The following HOOK3 variants were observed in gnomAD, a reference collection of about 807,000 sequenced individuals.
The protein encoded by HOOK3 is protein Hook homolog 3.
In HOOK3, 24 loss-of-function variants were observed where a neutral mutation model predicts 116.3. That is an observed-to-expected ratio of 0.21 (90% CI 0.15 to 0.29). HOOK3 has a LOEUF of 0.29. HOOK3 is among the 10% of genes least tolerant of loss of function. The pLI is 1.00. For missense variants in HOOK3, 632 were observed against 830.2 expected (o/e 0.76, Z 2.93); for synonymous variants, 275 against 283.0 (o/e 0.97, Z 0.28).
Position 43,023,680 on chromosome 8 carries a change from C to CTT in HOOK3, c.*5183_*5184insTT. 5.6e-6 allele frequency: 1 copy of CTT among 179,324 alleles called. No homozygotes were observed. The highest frequency in any genetic ancestry group is 2.4e-5 in the African/African-American group (1 of 42,456). 11.1% of individuals were successfully genotyped at this position (179,324 alleles called of 1,614,324 possible). On this transcript the variant is annotated 3_prime_UTR_variant, in exon 22 of 22. Transcript: ENST00000307602. ...TTCACCATGTTGGCCAGGCTGGTCT[C>CTT]TAACTCCTGACCTCAGGTGATCCGT...
chr8:43,025,224 G>A lies in HOOK3; in HGVS notation c.*6726G>A, dbSNP rs1339677164. 1 of 205,784 alleles carries A rather than the reference G, an allele frequency of 4.9e-6. No individual in the cohort carries two copies. The highest frequency in any genetic ancestry group is 7.4e-5 in the East Asian group (1 of 13,440). The allele number at this position is 205,784 out of a possible 1,614,324, so 12.7% of individuals were successfully genotyped here. On this transcript the variant is annotated 3_prime_UTR_variant, in exon 22 of 22. Transcript: ENST00000307602. Reference sequence around the variant, plus strand: ...TATAGATATAGATCAGGAATTACTTGATGTCTCTTCAGAAGTTTTCTGTTT... The same window carrying A: ...TATAGATATAGATCAGGAATTACTTAATGTCTCTTCAGAAGTTTTCTGTTT...
chr8:42,905,295 C>CTT (rs757313100), intron 1 of HOOK3, among the ~76,000 whole-genome samples: 1,355 of 60,796 alleles, frequency 0.022, 31 homozygotes, highest in African/African-American at 0.061. Flanking sequence ...GGACATAGTT[C>CTT]TTTTTTTTTT....
At chr8:42,930,655 T>A (rs1586596226) in intron 4 of HOOK3, among the ~76,000 whole-genome samples, 1 of 152,188 alleles carries the variant, frequency 6.6e-6, no homozygotes, top group African/African-American at 2.4e-5. Context: ...CACAACACCA[T>A]ACCCTAGTTA....
At chr8:42,998,226 T>A (rs1252534505) in intron 16 of HOOK3, 1 of 152,802 alleles carries the variant, frequency 6.5e-6, no homozygotes. Flanking sequence ...TCTATCACAG[T>A]ACTCAGGTAG....
chr8:42,974,664 T>G (rs552999509), intron 13 of HOOK3, among the ~76,000 whole-genome samples: 3 of 152,348 alleles, frequency 2.0e-5, no homozygotes, highest in Admixed American at 2.0e-4. Context: ...GCTCCAGCGA[T>G]TGCCTTTTCT....
intron 2 of HOOK3, among the ~76,000 whole-genome samples, chr8:42,908,240 T>G (rs1242761733): frequency 6.6e-6 from 1 of 152,178 alleles, no homozygotes; most frequent in Non-Finnish European, 1.5e-5. Flanking sequence ...CCCATACTAC[T>G]GAAAGTGATT....
Position 42,949,109 on chromosome 8 carries a change from A to T in HOOK3, c.401-1279A>T, listed in dbSNP as rs565262444. On this transcript the variant is annotated intron_variant, in intron 5 of 21. Transcript: ENST00000307602. ...AATCTCTTGTCAAAAGAGTACTTTG[A>T]CAGTTTCATGGTAAGACCCCTTCAT... 7.2e-5 allele frequency among the ~76,000 whole-genome samples: 11 copies of T among 152,310 alleles called. No individual in the cohort carries two copies. In the South Asian group the frequency reaches 1.7e-3, roughly 23 times the overall value.
chr8:43,001,026 A>T (rs1162908641), intron 16 of HOOK3: 1 of 152,102 alleles, frequency 6.6e-6, no homozygotes, highest in East Asian at 1.9e-4. Flanking sequence ...GCACTTTGGG[A>T]GGCCGAGGTG....
At chr8:42,997,447 G>T in intron 15 of HOOK3, 103 bp from the exon 16 acceptor site, 1 of 670,512 alleles carries the variant, frequency 1.5e-6, no homozygotes, top group Non-Finnish European at 2.6e-6. Flanking sequence ...TATAACATGA[G>T]ACTTGATTTT....
chr8:42,919,811 G>A (rs937369431), intron 2 of HOOK3, among the ~76,000 whole-genome samples: 14 of 152,290 alleles, frequency 9.2e-5, no homozygotes, highest in Admixed American at 9.2e-4. Context: ...GCGTGGCGGT[G>A]CGCGCCTGCA....
At chr8:42,948,731 C>G (rs1289438442) in intron 5 of HOOK3, among the ~76,000 whole-genome samples, 1 of 152,286 alleles carries the variant, frequency 6.6e-6, no homozygotes, top group East Asian at 1.9e-4. Flanking sequence ...TCTAAAAGCT[C>G]CCTTTCTGTA....
At chr8:42,935,938 G>T (rs1014806879) in intron 4 of HOOK3, among the ~76,000 whole-genome samples, 2 of 152,218 alleles carry the variant, frequency 1.3e-5, no homozygotes, top group African/African-American at 4.8e-5. Context: ...AAAGTCAGTG[G>T]TAGCTGTATG....
chr8:43,026,529 A>G lies in HOOK3; in HGVS notation c.*8031A>G, dbSNP rs949437335. Reference sequence around the variant, plus strand: ...TAAGAAGACTCTTTTATAATGTAATACTTAGAAGCCAAATCCTTTCAAACG... The same window carrying G: ...TAAGAAGACTCTTTTATAATGTAATGCTTAGAAGCCAAATCCTTTCAAACG... On this transcript the variant is annotated 3_prime_UTR_variant, in exon 22 of 22. Coordinates refer to ENST00000307602, the MANE Select transcript of HOOK3 (RefSeq NM_032410.4). 9.4e-5 allele frequency: 20 copies of G among 212,084 alleles called. No homozygotes were observed. The highest frequency in any genetic ancestry group is 1.6e-4 in the Non-Finnish European group (17 of 104,844). 13.1% of individuals were successfully genotyped at this position (212,084 alleles called of 1,614,324 possible).
rs1466187833 is a variant in HOOK3, at chr8:42,950,377, C to G, written c.401-11C>G. 5.1e-6 allele frequency: 8 copies of G among 1,580,896 alleles called. No homozygotes were observed. Among genetic ancestry groups the G allele is most frequent in the African/African-American group, 1.3e-5 (1 of 74,134 alleles). On this transcript the variant is annotated splice_polypyrimidine_tract_variant and intron_variant, in intron 5 of 21. Coordinates refer to ENST00000307602, the MANE Select transcript of HOOK3 (RefSeq NM_032410.4). The stretch of plus-strand genomic sequence containing the variant: ...TTGAACAGTGACATTCTAGATTGTT[C>G]TTGTTTTCAGAGTACATCCAAGCCA...
Position 43,018,273 on chromosome 8 carries a change from A to G in HOOK3, c.2017-85A>G, listed in dbSNP as rs1809759052. 5 of 1,308,622 alleles carry G rather than the reference A, an allele frequency of 3.8e-6. 1 individual carries two copies. Among genetic ancestry groups the G allele is most frequent in the Middle Eastern group, 1.9e-4 (1 of 5,206 alleles). The allele number at this position is 1,308,622 out of a possible 1,614,324, so 81.1% of individuals were successfully genotyped here. ...TAATTGTGCTTTATGATACACTGTA[A>G]CAAATTCTGCATGATGAAATTTTCT... is the stretch of plus-strand genomic sequence containing the variant. On this transcript the variant is annotated intron_variant, in intron 21 of 21. Transcript: ENST00000307602.
chr8:43,001,057 C>G (rs1321867580), intron 16 of HOOK3: 2 of 151,718 alleles, frequency 1.3e-5, no homozygotes, highest in East Asian at 1.9e-4. Context: ...CACTGAGGCC[C>G]ACAAGTTTGA....
At chr8:42,952,027 A>G (rs1808353822) in intron 6 of HOOK3, among the ~76,000 whole-genome samples, 1 of 152,206 alleles carries the variant, frequency 6.6e-6, no homozygotes, top group African/African-American at 2.4e-5. Flanking sequence ...AAATCTTGCA[A>G]TGACTTCTGA....
chr8:42,946,562 G>C (rs547286897), intron 5 of HOOK3, among the ~76,000 whole-genome samples: 10 of 151,502 alleles, frequency 6.6e-5, no homozygotes, highest in African/African-American at 2.2e-4. Context: ...TTTCCCCACT[G>C]TTTACCCCTT....
chr8:42,955,900 A>G (rs551864161), intron 6 of HOOK3, among the ~76,000 whole-genome samples: 2 of 152,258 alleles, frequency 1.3e-5, no homozygotes, highest in Admixed American at 1.3e-4. Flanking sequence ...GTCTTGTTAC[A>G]TCGCCCAGGC....
Sources: gnomAD v4.1 joint callset for allele counts (sites outside exome capture counted in the v4.1 genomes callset) on GRCh38, gnomAD v4.1.1 for gene constraint, MANE v1.5 for transcripts, NCBI Gene and HGNC (gene_info 2026-07-23, HGNC 2026-07-21) for gene names.